The following RARB variants were observed in gnomAD, a reference collection of about 807,000 sequenced individuals.
RARB encodes the protein retinoic acid receptor beta.
In RARB, 17 loss-of-function variants were observed where a neutral mutation model predicts 51.9. The observed-to-expected ratio is 0.33, with a 90% CI of 0.22 to 0.49. The LOEUF (loss-of-function observed/expected upper bound fraction) is 0.49, where lower values mean the gene tolerates loss of function less well. Among genes scored for constraint, RARB ranks in the 20% least tolerant of loss-of-function variants. The pLI is 0.99. For missense variants in RARB, 369 were observed against 550.8 expected, an observed-to-expected ratio of 0.67 and a Z score of 3.30; for synonymous variants, 215 against 195.4, an observed-to-expected ratio of 1.10 and a Z score of -0.84.
chr3:25,465,303 G>A (rs1305212856), intron 2 of RARB, among the ~76,000 whole-genome samples: 1 of 152,104 alleles, frequency 6.6e-6, no homozygotes, highest in Admixed American at 6.6e-5. Context: ...GGCCCTGTGT[G>A]TGGTATCATT....
intron 2 of RARB, among the ~76,000 whole-genome samples, chr3:25,053,400 C>T (rs1698375429): frequency 6.6e-6 from 1 of 152,122 alleles, no homozygotes; most frequent in African/African-American, 2.4e-5. Context: ...CTGACACATC[C>T]TTAATCCAAA....
At chr3:25,541,334 A>G (rs1413455302) in intron 3 of RARB, among the ~76,000 whole-genome samples, 1 of 151,958 alleles carries the variant, frequency 6.6e-6, no homozygotes, top group African/African-American at 2.4e-5. Context: ...ACTGAATTTT[A>G]TTTTTCTCTC....
intron 5 of RARB, among the ~76,000 whole-genome samples, chr3:25,302,237 A>G (rs1304293708): frequency 1.3e-5 from 2 of 152,226 alleles, no homozygotes; most frequent in Non-Finnish European, 2.9e-5. Flanking sequence ...AAAAGGTTAA[A>G]CAAAGATTAA....
chr3:24,848,920 T>A (rs1440160567), intron 1 of RARB, among the ~76,000 whole-genome samples: 1 of 152,202 alleles, frequency 6.6e-6, no homozygotes, highest in East Asian at 1.9e-4. Context: ...TGATTATGGA[T>A]TCCTCCTTAC....
At chr3:25,374,269 G>T (rs192589242) in intron 5 of RARB, among the ~76,000 whole-genome samples, 4 of 152,204 alleles carry the variant, frequency 2.6e-5, no homozygotes, top group East Asian at 3.9e-4. Context: ...AGAAAAGAGG[G>T]TCTGAGGACT....
At chr3:25,287,180 A>C (rs953182797) in intron 5 of RARB, among the ~76,000 whole-genome samples, 1 of 152,196 alleles carries the variant, frequency 6.6e-6, no homozygotes, top group Non-Finnish European at 1.5e-5. Flanking sequence ...ATCTTGAACA[A>C]AGTTAACAAC....
At chr3:25,326,448 A>G (rs1420726751) in intron 5 of RARB, among the ~76,000 whole-genome samples, 2 of 152,216 alleles carry the variant, frequency 1.3e-5, no homozygotes, top group African/African-American at 2.4e-5. Flanking sequence ...TATTAAGACA[A>G]TTGTCTAATT....
chr3:25,545,526 C>T (rs1471631906), intron 3 of RARB, among the ~76,000 whole-genome samples: 1 of 152,138 alleles, frequency 6.6e-6, no homozygotes, highest in Non-Finnish European at 1.5e-5. Context: ...GCTGGCCATC[C>T]AACGTTCACC....
chr3:25,476,705 T>C (rs374099759), intron 2 of RARB, among the ~76,000 whole-genome samples: 4 of 152,212 alleles, frequency 2.6e-5, no homozygotes, highest in African/African-American at 9.6e-5. Flanking sequence ...ACTGTCCCAT[T>C]CTGTGTAAAC....
chr3:25,553,154 C>G (rs1194416219), intron 3 of RARB, among the ~76,000 whole-genome samples: 77 of 140,680 alleles, frequency 5.5e-4, no homozygotes, highest in Non-Finnish European at 7.7e-5. Context: ...CCATCTTTTG[C>G]TTTTTTTTTT....
intron 2 of RARB, among the ~76,000 whole-genome samples, chr3:24,951,261 C>T (rs975522559): frequency 2.6e-5 from 4 of 152,064 alleles, no homozygotes; most frequent in African/African-American, 9.7e-5. Context: ...AGAAAGGAGG[C>T]TCCTTGTTAG....
intron 3 of RARB, among the ~76,000 whole-genome samples, chr3:25,501,868 C>G (rs1223274409): frequency 1.3e-5 from 2 of 152,106 alleles, no homozygotes; most frequent in African/African-American, 4.8e-5. Flanking sequence ...TTTATTAGTG[C>G]AAAAGATATT....
At chr3:25,336,747 G>T (rs1393351446) in intron 5 of RARB, among the ~76,000 whole-genome samples, 2 of 152,136 alleles carry the variant, frequency 1.3e-5, no homozygotes, top group African/African-American at 4.8e-5. Context: ...ATTACCTAAA[G>T]GTTAATGTGG....
chr3:24,954,478 A>C (rs1316044855), intron 2 of RARB, among the ~76,000 whole-genome samples: 1 of 152,214 alleles, frequency 6.6e-6, no homozygotes, highest in Non-Finnish European at 1.5e-5. Flanking sequence ...CTTTAGAAAA[A>C]GTATAGAATA....
chr3:25,422,417 G>T (rs1200287269), intron 5 of RARB, among the ~76,000 whole-genome samples: 1 of 152,176 alleles, frequency 6.6e-6, no homozygotes, highest in African/African-American at 2.4e-5. Context: ...GCAAGCTGCA[G>T]CATGGTAGTG....
chr3:25,326,945 C>T (rs1486274244), intron 5 of RARB, among the ~76,000 whole-genome samples: 8 of 151,910 alleles, frequency 5.3e-5, no homozygotes, highest in African/African-American at 1.9e-4. Context: ...CCCATTAACT[C>T]GTCATTTAAC....
At chr3:24,861,594 T>TAACA (rs1189109106) in intron 2 of RARB, among the ~76,000 whole-genome samples, 1 of 137,850 alleles carries the variant, frequency 7.3e-6, no homozygotes, top group Non-Finnish European at 1.6e-5. Flanking sequence ...TAACTTGTTA[T>TAACA]AAAAAAAAAA....
At chr3:25,527,056 T>C (rs184720060) in intron 3 of RARB, among the ~76,000 whole-genome samples, 1 of 152,324 alleles carries the variant, frequency 6.6e-6, no homozygotes, top group African/African-American at 2.4e-5. Context: ...TTGAGTTACT[T>C]AGAGCAGTGC....
Position 25,461,177 on chromosome 3 carries a change from C to A in RARB, c.158-16C>A, listed in dbSNP as rs759630777. 5 of 1,557,572 alleles carry A rather than the reference C, an allele frequency of 3.2e-6. No individual in the cohort carries two copies. In the South Asian group the frequency reaches 6.0e-5, roughly 19 times the overall value. On this transcript the variant is annotated splice_polypyrimidine_tract_variant and intron_variant, in intron 1 of 7. Coordinates refer to ENST00000330688, the MANE Select transcript of RARB (RefSeq NM_000965.5). The stretch of plus-strand genomic sequence containing the variant: ...CATTTTCTCTTTTTTCTCCCTCTAC[C>A]CCATCTCTATTATAGCAATTGAAAC...
Sources: gnomAD v4.1 joint callset for allele counts (sites outside exome capture counted in the v4.1 genomes callset) on GRCh38, gnomAD v4.1.1 for gene constraint, MANE v1.5 for transcripts, NCBI Gene and HGNC (gene_info 2026-07-23, HGNC 2026-07-21) for gene names.